HEG1: variants seen among roughly 807,000 people sequenced by gnomAD.
HEG1 encodes heart development protein with EGF like domains 1.
A neutral mutation model predicts 125.6 loss-of-function variants in HEG1; 56 were observed. That is an observed-to-expected ratio of 0.45 (90% CI 0.36 to 0.56). HEG1 has a LOEUF of 0.56. HEG1 is among the 20% of genes least tolerant of loss of function. The probability of loss-of-function intolerance (pLI) is 0.00; values close to 1 mark genes in which losing one functional copy is unlikely to be tolerated. For missense variants in HEG1, 1,523 were observed against 1,670.0 expected (o/e 0.91, Z 1.53); for synonymous variants, 644 against 668.5 (o/e 0.96, Z 0.57).
chr3:125,014,077 G>T, intron 5 of HEG1, 87 bp from the exon 6 acceptor site: 1 of 1,188,362 alleles, frequency 8.4e-7, no homozygotes, highest in Non-Finnish European at 1.1e-6. Context: ...TCAGTGTCAT[G>T]AAACTCAATG....
At chr3:124,988,349 A>G (rs1450269958) in intron 14 of HEG1, among the ~76,000 whole-genome samples, 1 of 152,214 alleles carries the variant, frequency 6.6e-6, no homozygotes, top group Admixed American at 6.5e-5. Context: ...ACATAAGCCA[A>G]ATCTCCAAAA....
intron 4 of HEG1, among the ~76,000 whole-genome samples, chr3:125,020,128 G>T (rs1449254019): frequency 6.6e-6 from 1 of 152,252 alleles, no homozygotes; most frequent in Non-Finnish European, 1.5e-5. Flanking sequence ...ACTGAAGCTA[G>T]TTTGAAGAGT....
intron 14 of HEG1, among the ~76,000 whole-genome samples, chr3:124,981,248 A>T (rs201623268): frequency 1.6e-3 from 104 of 63,094 alleles, no homozygotes; most frequent in Admixed American, 4.0e-3. Context: ...TTTTTTTTTT[A>T]AAGTTTTTTT....
At chr3:124,971,354 C>T (rs1320069155) in intron 16 of HEG1, among the ~76,000 whole-genome samples, 3 of 152,228 alleles carry the variant, frequency 2.0e-5, no homozygotes, top group African/African-American at 4.8e-5. Context: ...TAAGCTTAGG[C>T]TCTGCCTCTA....
rs200147885 is a variant in HEG1, at chr3:125,055,935, AGGGCAGC to A, written c.-52_-46del. 0.016 allele frequency: 12,678 copies of A among 800,130 alleles called. 131 individuals are homozygous for A. Among genetic ancestry groups the A allele is most frequent in the Middle Eastern group, 0.053 (84 of 1,592 alleles). The allele number at this position is 800,130 out of a possible 1,614,324, so 49.6% of individuals were successfully genotyped here. On this transcript the variant is annotated 5_prime_UTR_variant, in exon 1 of 17. Coordinates refer to ENST00000311127, the MANE Select transcript of HEG1 (RefSeq NM_020733.2). ...GCTCACATGCCCGGCGCGCGGGGCG[AGGGCAGC>A]GGGCAGCGGGCAGCGGGCGGCGGGG... is the stretch of plus-strand genomic sequence containing the variant.
At position 125,002,223 on chromosome 3, in the gene HEG1, C is replaced by T; in HGVS notation, c.3356+34G>A. 3 of 1,591,758 alleles carry T rather than the reference C, an allele frequency of 1.9e-6. No individual in the cohort carries two copies. The South Asian group carries it at 3.3e-5, about 18-fold the overall frequency. Reference sequence around the variant, plus strand: ...TAGAACAGCCTCCCCTTTGTACAGACTAGTTCACAAGCAAATATAATTCTG... The same window carrying T: ...TAGAACAGCCTCCCCTTTGTACAGATTAGTTCACAAGCAAATATAATTCTG... On this transcript the variant is annotated intron_variant, in intron 10 of 16. Transcript: ENST00000311127.
At chr3:125,042,995 G>C (rs1393139269) in intron 1 of HEG1, among the ~76,000 whole-genome samples, 1 of 152,196 alleles carries the variant, frequency 6.6e-6, no homozygotes, top group Admixed American at 6.5e-5. Context: ...CCCTCGATCT[G>C]GACTGTCCAG....
chr3:125,018,959 T>C lies in HEG1; in HGVS notation c.1588+303A>G, dbSNP rs184116705. On this transcript the variant is annotated intron_variant, in intron 5 of 16. Coordinates refer to ENST00000311127, the MANE Select transcript of HEG1 (RefSeq NM_020733.2). ...TCAGCTAACTGCAACCTCCACCTCC[T>C]GGGTTCAAACGATTCTCCTGCCTCA... is the stretch of plus-strand genomic sequence containing the variant. 8.0e-3 allele frequency among the ~76,000 whole-genome samples: 1,189 copies of C among 148,554 alleles called. 13 individuals are homozygous for C. Among genetic ancestry groups the C allele is most frequent in the African/African-American group, 0.028 (1,128 of 40,422 alleles).
Position 125,013,423 on chromosome 3 carries a change from A to G in HEG1, c.2156T>C (p.Leu719Ser). The change falls in exon 6 of 17, where the codon TTA becomes TCA. Residue 719 changes from leucine (L) to serine (S), a missense_variant. Coordinates refer to ENST00000311127, the MANE Select transcript of HEG1 (RefSeq NM_020733.2). ...TGTAGATGTCGTTAAGGATACTGGTAAAGGTGATGGTGAGGAAGACCATGG... is the reference window on the plus strand; with the variant it reads ...TGTAGATGTCGTTAAGGATACTGGTGAAGGTGATGGTGAGGAAGACCATGG... ...STPWSSSPSP[L>S]PVSLTTSTSA... The G allele has an allele frequency of 1.2e-6, 2 of 1,613,966 alleles. No homozygotes were observed. The highest frequency in any genetic ancestry group is 1.7e-6 in the Non-Finnish European group (2 of 1,179,870).
rs1488864553 is a variant in HEG1, at chr3:124,970,700, A to G, written c.4098T>C (p.Tyr1366=). Residue 1366 remains tyrosine, a synonymous_variant, in exon 17 of 17, where the codon TAT becomes TAC. Coordinates refer to ENST00000311127, the MANE Select transcript of HEG1 (RefSeq NM_020733.2). ...TTTCATCACTGATGAAAGACGGGTT[A>G]TACTGTCCGGGGAAAATGCAAGAAT... ...SRHSCIFPGQ[Y]NPSFISDESR... 1.9e-6 allele frequency: 3 copies of G among 1,608,824 alleles called. No individual in the cohort carries two copies. The South Asian group carries it at 3.4e-5, about 18-fold the overall frequency.
At chr3:125,023,046 T>C (rs889587083) in intron 3 of HEG1, among the ~76,000 whole-genome samples, 3 of 151,974 alleles carry the variant, frequency 2.0e-5, no homozygotes, top group Non-Finnish European at 1.5e-5. Flanking sequence ...ATACAAAAAT[T>C]AGCCGGCTGT....
rs757938515 is a variant in HEG1 at position 125,020,845 on chromosome 3, G to A, written c.1199C>T (p.Ser400Phe). The A allele has an allele frequency of 6.2e-7, 1 of 1,613,994 alleles. No individual in the cohort carries two copies. Among genetic ancestry groups the A allele is most frequent in the Admixed American group, 1.7e-5 (1 of 60,028 alleles). ...CGTAAGTCCAAATTCATTTTCTGTGGATGGTTCAATGAATTCCTCATCCCC... is the reference window on the plus strand; with the variant it reads ...CGTAAGTCCAAATTCATTTTCTGTGAATGGTTCAATGAATTCCTCATCCCC... ...NPGDEEFIEPSTENEFGLTSL... is the reference protein window; with the variant it reads ...NPGDEEFIEPFTENEFGLTSL... The change falls in exon 4 of 17, where the codon TCC (serine) becomes TTC (phenylalanine). Residue 400 changes from serine to phenylalanine, a missense_variant. Physicochemically the swap from Ser to Phe is radical, Grantham distance 155 (BLOSUM62 -2). Transcript: ENST00000311127.
intron 5 of HEG1, among the ~76,000 whole-genome samples, chr3:125,016,373 T>G (rs1579420244): frequency 6.6e-6 from 1 of 152,194 alleles, no homozygotes; most frequent in Non-Finnish European, 1.5e-5. Flanking sequence ...TCTATCTAGC[T>G]CTTTATAAAT....
At chr3:124,988,640 C>G (rs1471136477) in intron 14 of HEG1, among the ~76,000 whole-genome samples, 2 of 152,128 alleles carry the variant, frequency 1.3e-5, no homozygotes, top group South Asian at 2.1e-4. Context: ...AAACATCGGC[C>G]GGGCACGGTG....
At chr3:125,042,945 G>A (rs550380434) in intron 1 of HEG1, among the ~76,000 whole-genome samples, 2 of 152,238 alleles carry the variant, frequency 1.3e-5, no homozygotes, top group Admixed American at 1.3e-4. Flanking sequence ...GGTGGAGGAC[G>A]TTTAGAAGCC....
chr3:124,987,944 CACACACACAT>C (rs1287792247), intron 14 of HEG1, among the ~76,000 whole-genome samples: 2 of 83,524 alleles, frequency 2.4e-5, no homozygotes, highest in Non-Finnish European at 5.9e-5. Flanking sequence ...CACACACACA[CACACACACAT>C]ATATATATAT....
At position 125,027,302 on chromosome 3, in the gene HEG1, G is replaced by A. The variant is rs61750908; in HGVS notation, c.816C>T (p.Thr272=). The change falls in exon 3 of 17, where the codon ACC becomes ACT. Residue 272 remains threonine, a synonymous_variant. Transcript: ENST00000311127. ...AGGAATTTCTCTTCCTAGAAGGCGT[G>A]GTCAGCTCTCCCATCTCCAAAGCAG... ...FLPALEMGEL[T]TPSRKRNSSG... 5,390 of 1,613,832 alleles carry A rather than the reference G, an allele frequency of 3.3e-3. 21 individuals carry two copies. Among genetic ancestry groups the A allele is most frequent in the Non-Finnish European group, 4.4e-3 (5,178 of 1,179,860 alleles).
chr3:124,990,513 A>G (rs1936815073), intron 14 of HEG1, among the ~76,000 whole-genome samples: 1 of 151,792 alleles, frequency 6.6e-6, no homozygotes, highest in Non-Finnish European at 1.5e-5. Context: ...TAATTTTTGT[A>G]TTTTTACTAG....
chr3:124,971,458 A>T (rs1474771921), intron 16 of HEG1, among the ~76,000 whole-genome samples: 8 of 117,264 alleles, frequency 6.8e-5, no homozygotes, highest in Non-Finnish European at 7.2e-5. Context: ...TTCTTTTTTT[A>T]CCTTTCCCTC....
Sources: allele counts gnomAD v4.1 joint callset (sites outside exome capture counted in the v4.1 genomes callset), GRCh38; gene constraint gnomAD v4.1.1; transcripts MANE v1.5; gene names NCBI Gene and HGNC (gene_info 2026-07-23, HGNC 2026-07-21).